Variants in SLC8A2 observed in about 807,000 individuals in gnomAD.
The protein encoded by SLC8A2 is sodium/calcium exchanger 2.
In SLC8A2, 14 loss-of-function variants were observed where a neutral mutation model predicts 70.2. The ratio of observed to expected loss-of-function variants is 0.20; its 90% CI spans 0.13 to 0.31. The LOEUF (loss-of-function observed/expected upper bound fraction) is 0.31. SLC8A2 is among the 10% of genes least tolerant of loss of function. The pLI, the probability that SLC8A2 is intolerant of heterozygous loss-of-function variation, is 1.00. For missense variants in SLC8A2, 779 were observed against 1,320.1 expected, an observed-to-expected ratio of 0.59 and a Z score of 6.35; for synonymous variants, 575 against 594.3, an observed-to-expected ratio of 0.97 and a Z score of 0.47.
Position 47,428,344 on chromosome 19 carries a change from C to A in SLC8A2, c.*1745G>T, listed in dbSNP as rs1401366263. Reference sequence around the variant, plus strand: ...GAATGGGGGCGTGGTTAGTGGAAACCCACGACTGACGAATGGGGGCATGGA... The same window carrying A: ...GAATGGGGGCGTGGTTAGTGGAAACACACGACTGACGAATGGGGGCATGGA... On this transcript the variant is annotated 3_prime_UTR_variant, in exon 10 of 10. Coordinates refer to ENST00000236877, the MANE Select transcript of SLC8A2 (RefSeq NM_015063.3). 1 of 150,404 alleles carries A rather than the reference C, an allele frequency of 6.6e-6. No homozygotes were observed. The highest frequency in any genetic ancestry group is 2.0e-4 in the East Asian group (1 of 5,104). The allele number at this position is 150,404 out of a possible 1,614,324, so 9.3% of individuals were successfully genotyped here. A position where few individuals can be genotyped will look rare whatever the true frequency, so the allele number is the denominator to read the frequency against.
intron 4 of SLC8A2, among the ~76,000 whole-genome samples, chr19:47,445,558 T>C (rs1351988856): frequency 6.6e-6 from 1 of 152,176 alleles, no homozygotes; most frequent in East Asian, 1.9e-4. Flanking sequence ...CATCTCTGGG[T>C]GTCTCTCCTC....
rs1444810784 is a variant in SLC8A2 at position 47,466,404 on chromosome 19, G to C, written c.-1C>G. The stretch of plus-strand genomic sequence containing the variant: ...CCCCCACCAAGGCCAGGGGAGCCAT[G>C]GGGGGTGGTGGGGTCCTATGGGGGA... On this transcript the variant is annotated 5_prime_UTR_variant, in exon 2 of 10. Transcript: ENST00000236877. The surrounding 1 kb of genome is among the most constrained non-coding windows in gnomAD (Gnocchi z 6.9). 2 of 1,333,290 alleles carry C rather than the reference G, an allele frequency of 1.5e-6. No individual in the cohort carries two copies. Among genetic ancestry groups the C allele is most frequent in the South Asian group, 3.0e-5 (2 of 65,910 alleles). The allele number at this position is 1,333,290 out of a possible 1,614,324, so 82.6% of individuals were successfully genotyped here.
In SLC8A2 at chr19:47,430,506, G is replaced by A; in HGVS notation, c.2390-41C>T. On this transcript the variant is annotated intron_variant, in intron 9 of 9. Transcript: ENST00000236877. The surrounding 1 kb of genome is among the most constrained non-coding windows in gnomAD (Gnocchi z 5.9). ...ATACAGGTCGGAGGGGCTTTGCGCC[G>A]CCACCCACAGGGGCGGGCATCCGCC... 3 of 1,531,402 alleles carry A rather than the reference G, an allele frequency of 2.0e-6. No homozygotes were observed. The highest frequency in any genetic ancestry group is 2.6e-6 in the Non-Finnish European group (3 of 1,143,362). The allele number at this position is 1,531,402 out of a possible 1,614,324, so 94.9% of individuals were successfully genotyped here. A position where few individuals can be genotyped will look rare whatever the true frequency, so the allele number is the denominator to read the frequency against.
intron 8 of SLC8A2, among the ~76,000 whole-genome samples, chr19:47,433,900 T>G (rs1966994454): frequency 6.6e-6 from 1 of 152,188 alleles, no homozygotes; most frequent in South Asian, 2.1e-4. Flanking sequence ...CTCCTAGGCC[T>G]CCCAAAGTTT....
chr19:47,469,986 C>T (rs945098956), intron 1 of SLC8A2, among the ~76,000 whole-genome samples: 3 of 152,192 alleles, frequency 2.0e-5, no homozygotes, highest in South Asian at 2.1e-4. Context: ...AGGTAAGACC[C>T]GTCCTTCATA....
chr19:47,439,865 T>C (rs946741531), intron 6 of SLC8A2, among the ~76,000 whole-genome samples: 4 of 152,140 alleles, frequency 2.6e-5, no homozygotes, highest in Admixed American at 6.6e-5. Flanking sequence ...GGTTTCACCA[T>C]GTTGGTTAGG....
Position 47,428,758 on chromosome 19 carries a change from G to C in SLC8A2, c.*1331C>G, listed in dbSNP as rs1314943751. The C allele has an allele frequency of 6.6e-6, 1 of 152,556 alleles. No homozygotes were observed. Among genetic ancestry groups the C allele is most frequent in the African/African-American group, 2.4e-5 (1 of 41,398 alleles). The allele number at this position is 152,556 out of a possible 1,614,324, so 9.5% of individuals were successfully genotyped here. Reference sequence around the variant, plus strand: ...TGAGCTGGGGGAGAGAAGGGTAGTGGGTAACGGGTCTGGGATGTTGGGGCT... The same window carrying C: ...TGAGCTGGGGGAGAGAAGGGTAGTGCGTAACGGGTCTGGGATGTTGGGGCT... On this transcript the variant is annotated 3_prime_UTR_variant, in exon 10 of 10. Transcript: ENST00000236877.
At chr19:47,460,231 T>G (rs1967377140) in intron 2 of SLC8A2, among the ~76,000 whole-genome samples, 1 of 152,090 alleles carries the variant, frequency 6.6e-6, no homozygotes, top group Non-Finnish European at 1.5e-5. Flanking sequence ...TAAAACCAGT[T>G]CCCATGCACA....
chr19:47,453,956 G>A (rs1967274314), intron 3 of SLC8A2, among the ~76,000 whole-genome samples: 1 of 151,860 alleles, frequency 6.6e-6, no homozygotes, highest in Admixed American at 6.6e-5. Flanking sequence ...CACCAGCCTG[G>A]GCAACATGGC....
intron 3 of SLC8A2, among the ~76,000 whole-genome samples, chr19:47,451,085 T>C (rs1190266284): frequency 1.4e-5 from 2 of 145,154 alleles, no homozygotes; most frequent in African/African-American, 5.2e-5. Context: ...CTCAGCTCAC[T>C]GCAACCTCCG....
At chr19:47,450,679 C>T (rs1199811968) in intron 3 of SLC8A2, among the ~76,000 whole-genome samples, 6 of 152,096 alleles carry the variant, frequency 3.9e-5, no homozygotes, top group Non-Finnish European at 5.9e-5. Context: ...ATTCACTGTC[C>T]GTGGTGATGG....
At position 47,432,500 on chromosome 19, in the gene SLC8A2, A is replaced by G. The variant is rs576286835; in HGVS notation, c.2111-55T>C. On this transcript the variant is annotated intron_variant, in intron 8 of 9. Transcript: ENST00000236877. The surrounding 1 kb of genome is among the most constrained non-coding windows in gnomAD (Gnocchi z 6.2). The stretch of plus-strand genomic sequence containing the variant: ...CACTCAGACTTCCTTCCTTGCCTAC[A>G]GAGGCCCCATTTTGTCTAACTTCCT... 1.3e-6 allele frequency: 2 copies of G among 1,495,786 alleles called. No homozygotes were observed. The highest frequency in any genetic ancestry group is 1.3e-5 in the South Asian group (1 of 75,968). The allele number at this position is 1,495,786 out of a possible 1,614,324, so 92.7% of individuals were successfully genotyped here. A position where few individuals can be genotyped will look rare whatever the true frequency, so the allele number is the denominator to read the frequency against.
At position 47,468,403 on chromosome 19, in the gene SLC8A2, C is replaced by A. The variant is rs1967490703; in HGVS notation, c.-16-1984G>T. Among the ~76,000 whole-genome samples the A allele has an allele frequency of 6.6e-6, 1 of 152,192 alleles. No homozygotes were observed. Among genetic ancestry groups the A allele is most frequent in the Non-Finnish European group, 1.5e-5 (1 of 68,028 alleles). On this transcript the variant is annotated intron_variant, in intron 1 of 9. Coordinates refer to ENST00000236877, the MANE Select transcript of SLC8A2 (RefSeq NM_015063.3). The surrounding 1 kb of genome is among the most constrained non-coding windows in gnomAD (Gnocchi z 5.1). Reference sequence around the variant, plus strand: ...CCTCGACCTCCAGGGCTCAAGCGACCCTCCCTCCTCAGCCTCCCAAGTAGC... The same window carrying A: ...CCTCGACCTCCAGGGCTCAAGCGACACTCCCTCCTCAGCCTCCCAAGTAGC...
At chr19:47,452,445 A>AGAGAGAGAGAGAGAGT (rs1568444583) in intron 3 of SLC8A2, among the ~76,000 whole-genome samples, 1 of 54,102 alleles carries the variant, frequency 1.8e-5, no homozygotes, top group Non-Finnish European at 3.2e-5. Flanking sequence ...AGAGAGAGAG[A>AGAGAGAGAGAGAGAGT]GTGTGTGTGT....
At chr19:47,467,836 CAAAAAAAAAAAA>C (rs35745146) in intron 1 of SLC8A2, among the ~76,000 whole-genome samples, 1 of 38,414 alleles carries the variant, frequency 2.6e-5, no homozygotes, top group East Asian at 1.3e-3. Flanking sequence ...TCTAAAAATA[CAAAAAAAAAAAA>C]AAAAAAAAAA....
chr19:47,455,552 T>C (rs1324137204), intron 3 of SLC8A2, among the ~76,000 whole-genome samples: 1 of 152,176 alleles, frequency 6.6e-6, no homozygotes, highest in Non-Finnish European at 1.5e-5. Context: ...AGTAGACACA[T>C]GATAAATGTC....
chr19:47,442,196 C>T (rs749636917), intron 4 of SLC8A2, among the ~76,000 whole-genome samples: 2 of 152,162 alleles, frequency 1.3e-5, no homozygotes, highest in Admixed American at 1.3e-4. Flanking sequence ...AGACTGTTAA[C>T]CCCTGCACTC....
At chr19:47,460,986 G>A (rs566125838) in intron 2 of SLC8A2, among the ~76,000 whole-genome samples, 1 of 152,182 alleles carries the variant, frequency 6.6e-6, no homozygotes, top group East Asian at 1.9e-4. Context: ...GGCGGAAGTG[G>A]GTGGATCACG....
In SLC8A2 at chr19:47,437,310, G is replaced by A. The variant is rs184051908; in HGVS notation, c.2110+152C>T. 327 of 628,026 alleles carry A rather than the reference G, an allele frequency of 5.2e-4. 3 individuals carry two copies. In the African/African-American group the frequency reaches 5.2e-3, roughly 10 times the overall value. 38.9% of individuals were successfully genotyped at this position (628,026 alleles called of 1,614,324 possible). A position where few individuals can be genotyped will look rare whatever the true frequency, so the allele number is the denominator to read the frequency against. On this transcript the variant is annotated intron_variant, in intron 8 of 9. Transcript: ENST00000236877. ...ACTCCTGGCCTCAAGCAATCCTCCC[G>A]CCTCACCCTCCCAAAGCGCCAGGAT...
Sources: allele counts gnomAD v4.1 joint callset (sites outside exome capture counted in the v4.1 genomes callset), GRCh38; gene constraint gnomAD v4.1.1; non-coding constraint Gnocchi (gnomAD v3.1); transcripts MANE v1.5; gene names NCBI Gene and HGNC (gene_info 2026-07-23, HGNC 2026-07-21).